The following BCAS1 variants were observed in gnomAD, a reference collection of about 807,000 sequenced individuals.
BCAS1 encodes the protein breast carcinoma-amplified sequence 1.
Under a neutral mutation model 65.4 loss-of-function variants are expected in BCAS1, and 46 were observed. The ratio of observed to expected loss-of-function variants is 0.70; its 90% CI spans 0.55 to 0.90. The LOEUF is 0.90. Ranked by LOEUF, BCAS1 falls within the 40% of genes least tolerant of loss-of-function variation. The probability of loss-of-function intolerance (pLI) is 0.00; values close to 1 mark genes in which losing one functional copy is unlikely to be tolerated. For missense variants in BCAS1, 793 were observed against 771.2 expected (o/e 1.03, Z -0.33); for synonymous variants, 298 against 293.5 (o/e 1.02, Z -0.16).
rs943948494 is a variant in BCAS1 at position 54,032,284 on chromosome 20, G to A, written c.143-3312C>T. ...TCATTTTCAGACAAGCAAATGCTAA[G>A]GGAATTTGTGACCATTAGACCTTCC... On this transcript the variant is annotated intron_variant, in intron 3 of 12. Transcript: ENST00000688948. 2.0e-4 allele frequency among the ~76,000 whole-genome samples: 30 copies of A among 151,312 alleles called. 3 individuals are homozygous for A. The highest frequency in any genetic ancestry group is 3.0e-5 in the Non-Finnish European group (2 of 67,582).
intron 8 of BCAS1, among the ~76,000 whole-genome samples, chr20:53,977,279 C>A (rs1254128884): frequency 6.6e-6 from 1 of 152,128 alleles, no homozygotes; most frequent in Non-Finnish European, 1.5e-5. Context: ...GGGGACACAG[C>A]CAAACCATAT....
chr20:54,021,246 A>T (rs574762065), intron 4 of BCAS1, among the ~76,000 whole-genome samples: 105 of 152,018 alleles, frequency 6.9e-4, no homozygotes, highest in African/African-American at 2.5e-3. Flanking sequence ...GGACATTATG[A>T]CACATACATC....
intron 4 of BCAS1, among the ~76,000 whole-genome samples, chr20:53,998,082 A>T (rs1232530823): frequency 1.3e-5 from 2 of 152,142 alleles, no homozygotes; most frequent in East Asian, 3.8e-4. Flanking sequence ...AGCCCACAGA[A>T]GACTTGGTAT....
In BCAS1 at chr20:54,032,520, A is replaced by G. The variant is rs945964935; in HGVS notation, c.143-3548T>C. Among the ~76,000 whole-genome samples, 12 of 151,426 alleles carry G rather than the reference A, an allele frequency of 7.9e-5. 1 individual carries two copies. The highest frequency in any genetic ancestry group is 6.6e-4 in the Admixed American group (10 of 15,170). On this transcript the variant is annotated intron_variant, in intron 3 of 12. Coordinates refer to ENST00000688948, the MANE Select transcript of BCAS1 (RefSeq NM_001366298.2). ...GGACTAAATGATCCCATTAAAAGAC[A>G]TAAAGTGGCAGGCTGGATAAAGAAC...
intron 3 of BCAS1, among the ~76,000 whole-genome samples, chr20:54,035,966 T>G (rs2146165527): frequency 6.6e-6 from 1 of 151,200 alleles, no homozygotes; most frequent in Non-Finnish European, 1.5e-5. Context: ...GAAAATCAAA[T>G]ACTACATGTT....
chr20:54,006,718 A>G (rs6022914), intron 4 of BCAS1, among the ~76,000 whole-genome samples: 3 of 151,208 alleles, frequency 2.0e-5, no homozygotes, highest in East Asian at 2.0e-4. Flanking sequence ...TCAAAAAAAA[A>G]AAAAAAAAAG....
chr20:54,046,110 T>C (rs2092099171), intron 3 of BCAS1, among the ~76,000 whole-genome samples: 1 of 152,222 alleles, frequency 6.6e-6, no homozygotes, highest in African/African-American at 2.4e-5. Flanking sequence ...TATATATGCA[T>C]GTAAAAATAA....
At chr20:53,993,025 G>A (rs1384684079) in intron 6 of BCAS1, among the ~76,000 whole-genome samples, 1 of 152,152 alleles carries the variant, frequency 6.6e-6, no homozygotes, top group Non-Finnish European at 1.5e-5. Context: ...AATACCTGCA[G>A]ACAAAATATT....
chr20:54,018,351 C>T (rs1278553218), intron 4 of BCAS1, among the ~76,000 whole-genome samples: 7 of 150,954 alleles, frequency 4.6e-5, no homozygotes. Flanking sequence ...ATTCCTGGCA[C>T]AAAGGAAATA....
chr20:54,070,470 T>A lies in BCAS1; in HGVS notation c.-43A>T, dbSNP rs1417309717. 6.6e-6 allele frequency: 1 copy of A among 152,438 alleles called. No individual in the cohort carries two copies. Among genetic ancestry groups the A allele is most frequent in the African/African-American group, 2.4e-5 (1 of 41,442 alleles). 9.4% of individuals were successfully genotyped at this position (152,438 alleles called of 1,614,324 possible). A position where few individuals can be genotyped will look rare whatever the true frequency, so the allele number is the denominator to read the frequency against. Reference sequence around the variant, plus strand: ...TGTGGGAGTATCTTCAGTCCCCTCGTGTCACCCGGAGCTGCTCCTGCACAG... The same window carrying A: ...TGTGGGAGTATCTTCAGTCCCCTCGAGTCACCCGGAGCTGCTCCTGCACAG... On this transcript the variant is annotated 5_prime_UTR_variant, in exon 1 of 13. Coordinates refer to ENST00000688948, the MANE Select transcript of BCAS1 (RefSeq NM_001366298.2).
chr20:53,968,150 C>G (rs779411789), intron 9 of BCAS1, among the ~76,000 whole-genome samples: 2 of 152,230 alleles, frequency 1.3e-5, no homozygotes, highest in Admixed American at 1.3e-4. Flanking sequence ...CACGCGACCA[C>G]GCCTGATGGA....
At chr20:54,026,751 T>A (rs2091681107) in intron 4 of BCAS1, among the ~76,000 whole-genome samples, 1 of 152,268 alleles carries the variant, frequency 6.6e-6, no homozygotes, top group Non-Finnish European at 1.5e-5. Context: ...ACGACTAGTT[T>A]ACCGCCTCTG....
At chr20:53,995,100 TA>T in intron 5 of BCAS1, 44 bp from the exon 6 acceptor site, 1 of 1,532,678 alleles carries the variant, frequency 6.5e-7, no homozygotes, top group Non-Finnish European at 9.0e-7. Context: ...CATTGCTCTT[TA>T]GAGTGATTTT....
At chr20:54,009,982 G>A (rs529477196) in intron 4 of BCAS1, among the ~76,000 whole-genome samples, 2 of 152,260 alleles carry the variant, frequency 1.3e-5, no homozygotes, top group East Asian at 3.9e-4. Flanking sequence ...AAAATCACAT[G>A]ATCACAACAG....
intron 3 of BCAS1, among the ~76,000 whole-genome samples, chr20:54,033,303 G>A (rs1468361383): frequency 6.6e-6 from 1 of 150,708 alleles, no homozygotes; most frequent in African/African-American, 2.4e-5. Flanking sequence ...CAAAATTAGA[G>A]CTGAACTGAA....
chr20:53,953,564 C>T lies in BCAS1; in HGVS notation c.1683G>A (p.Lys561=). The T allele has an allele frequency of 6.2e-7, 1 of 1,613,920 alleles. No homozygotes were observed. Residue 561 remains lysine, a synonymous_variant, in exon 12 of 13, where the codon AAG becomes AAA. Coordinates refer to ENST00000688948, the MANE Select transcript of BCAS1 (RefSeq NM_001366298.2). ...ACTGGGCTGGTTCTTTGGCTTCCTG[C>T]TTGTTGCTCTTCTGCTTGTTCATCT... ...AAEMNKQKSN[K]QEAKEPAQCT...
chr20:54,007,322 G>C (rs1403006873), intron 4 of BCAS1, among the ~76,000 whole-genome samples: 2 of 152,186 alleles, frequency 1.3e-5, no homozygotes, highest in Admixed American at 1.3e-4. Flanking sequence ...CAGCTGAAGG[G>C]ACTAGGAATT....
chr20:53,981,569 C>T (rs1303153304), intron 8 of BCAS1, among the ~76,000 whole-genome samples: 1 of 149,572 alleles, frequency 6.7e-6, no homozygotes, highest in Non-Finnish European at 1.5e-5. Context: ...TCGATCCTCC[C>T]AATAAACACG....
intron 1 of BCAS1, among the ~76,000 whole-genome samples, chr20:54,066,997 C>T (rs544184047): frequency 6.6e-6 from 1 of 152,162 alleles, no homozygotes; most frequent in Non-Finnish European, 1.5e-5. Flanking sequence ...TATAATAGAA[C>T]ATGGAATAGA....
Sources: allele counts gnomAD v4.1 joint callset (sites outside exome capture counted in the v4.1 genomes callset), GRCh38; gene constraint gnomAD v4.1.1; transcripts MANE v1.5; gene names NCBI Gene and HGNC (gene_info 2026-07-23, HGNC 2026-07-21).